NKAIN3: variants seen among roughly 807,000 people sequenced by gnomAD.
The protein encoded by NKAIN3 is sodium/potassium transporting ATPase interacting 3.
NKAIN3 carries 25 observed loss-of-function variants against 30.2 expected under a neutral mutation model. The ratio of observed to expected loss-of-function variants is 0.83; its 90% confidence interval spans 0.60 to 1.16. NKAIN3 has a LOEUF of 1.16. NKAIN3 is among the 50% of genes most tolerant of loss of function. NKAIN3 has a pLI of 0.00. For synonymous variants in NKAIN3, 91 were observed against 89.6 expected (o/e 1.02, Z -0.09); for missense variants, 225 against 254.1 (o/e 0.89, Z 0.78).
At chr8:62,785,984 G>A (rs1486935434) in intron 4 of NKAIN3, among the ~76,000 whole-genome samples, 1 of 151,928 alleles carries the variant, frequency 6.6e-6, no homozygotes, top group Non-Finnish European at 1.5e-5. Context: ...CCATGGGGCC[G>A]GTACGGAAAT....
At chr8:62,588,493 C>T (rs1250328410) in intron 2 of NKAIN3, among the ~76,000 whole-genome samples, 1 of 151,610 alleles carries the variant, frequency 6.6e-6, no homozygotes, top group Non-Finnish European at 1.5e-5. Flanking sequence ...TAGGACTATA[C>T]TACTATATGA....
chr8:62,303,690 A>T (rs1215451032), intron 1 of NKAIN3, among the ~76,000 whole-genome samples: 1 of 150,650 alleles, frequency 6.6e-6, no homozygotes, highest in African/African-American at 2.5e-5. Context: ...ATTTGAAAAA[A>T]ATCAGATAAC....
chr8:62,846,831 G>A (rs1819703268), intron 4 of NKAIN3, among the ~76,000 whole-genome samples: 1 of 152,112 alleles, frequency 6.6e-6, no homozygotes, highest in Non-Finnish European at 1.5e-5. Flanking sequence ...GTTCCACATG[G>A]CTGGGGAGGC....
At chr8:62,696,765 T>C (rs1462870579) in intron 3 of NKAIN3, among the ~76,000 whole-genome samples, 1 of 151,992 alleles carries the variant, frequency 6.6e-6, no homozygotes, top group Non-Finnish European at 1.5e-5. Flanking sequence ...GATTTGAGAG[T>C]GTGGATTAGA....
At chr8:62,444,371 A>C (rs926200482) in intron 1 of NKAIN3, among the ~76,000 whole-genome samples, 25 of 152,216 alleles carry the variant, frequency 1.6e-4, no homozygotes, top group African/African-American at 5.8e-4. Flanking sequence ...ATTTGTACCC[A>C]CTAATCAACA....
intron 3 of NKAIN3, among the ~76,000 whole-genome samples, chr8:62,728,855 T>C (rs1462709298): frequency 6.7e-6 from 1 of 149,718 alleles, no homozygotes; most frequent in Non-Finnish European, 1.5e-5. Context: ...CCAGGCGTGG[T>C]GGCGGGCGCC....
intron 3 of NKAIN3, among the ~76,000 whole-genome samples, chr8:62,737,221 G>C (rs995483693): frequency 3.9e-5 from 6 of 152,296 alleles, no homozygotes; most frequent in African/African-American, 1.4e-4. Context: ...TGTGCCTGCT[G>C]TCTGCCATTT....
chr8:62,284,267 C>A (rs573683753), intron 1 of NKAIN3, among the ~76,000 whole-genome samples: 1 of 151,944 alleles, frequency 6.6e-6, no homozygotes, highest in Non-Finnish European at 1.5e-5. Flanking sequence ...CTGGGACTTA[C>A]GGGGAGACAG....
At chr8:62,904,382 T>C (rs150724498) in intron 4 of NKAIN3, among the ~76,000 whole-genome samples, 55 of 152,372 alleles carry the variant, frequency 3.6e-4, no homozygotes, top group African/African-American at 1.1e-3. Context: ...AGTTAACCCA[T>C]AAATGAAAAG....
chr8:62,279,332 C>G (rs1813088555), intron 1 of NKAIN3, among the ~76,000 whole-genome samples: 1 of 152,182 alleles, frequency 6.6e-6, no homozygotes, highest in Non-Finnish European at 1.5e-5. Flanking sequence ...TGCCTGTTCA[C>G]TCTGATGGTA....
At position 62,307,624 on chromosome 8, in the gene NKAIN3, G is replaced by C. The variant is rs145395624; in HGVS notation, c.54+58497G>C. 2.0e-3 allele frequency among the ~76,000 whole-genome samples: 300 copies of C among 150,714 alleles called. 25 individuals carry two copies. The highest frequency in any genetic ancestry group is 7.1e-3 in the African/African-American group (283 of 40,120). On this transcript the variant is annotated intron_variant, in intron 1 of 6. Coordinates refer to ENST00000623646, the MANE Select transcript of NKAIN3 (RefSeq NM_001304533.3). ...CACATGTATGTTTTGTGCCTCTCTT[G>C]TGCACAATCACTGTTTTGGGTTTTA...
intron 3 of NKAIN3, among the ~76,000 whole-genome samples, chr8:62,604,618 TTA>T: frequency 6.6e-6 from 1 of 152,262 alleles, no homozygotes; most frequent in African/African-American, 2.4e-5. Flanking sequence ...CTCTGAGAAC[TTA>T]TTTATGGAAC....
At chr8:62,409,187 T>A (rs956692449) in intron 1 of NKAIN3, among the ~76,000 whole-genome samples, 3 of 152,188 alleles carry the variant, frequency 2.0e-5, no homozygotes, top group Non-Finnish European at 4.4e-5. Flanking sequence ...ATATTAACTT[T>A]TTTTTGTTGT....
rs1811881919 is a variant in NKAIN3 at position 62,629,273 on chromosome 8, T to G, written c.273+39479T>G. ...CCTCTACCCTTTTTTGCATGATTTTTTTATATTTCCTTATCTAATATACAC... is the reference window on the plus strand; with the variant it reads ...CCTCTACCCTTTTTTGCATGATTTTGTTATATTTCCTTATCTAATATACAC... On this transcript the variant is annotated intron_variant, in intron 3 of 6. Transcript: ENST00000623646. Among the ~76,000 whole-genome samples the G allele has an allele frequency of 1.3e-5, 2 of 152,156 alleles. 1 individual carries two copies. Among genetic ancestry groups the G allele is most frequent in the Admixed American group, 1.3e-4 (2 of 15,264 alleles).
chr8:62,260,633 A>G (rs1307034117), intron 1 of NKAIN3, among the ~76,000 whole-genome samples: 2 of 152,110 alleles, frequency 1.3e-5, no homozygotes, highest in African/African-American at 2.4e-5. Context: ...TTTGCTTTAT[A>G]TCTGGATGGT....
chr8:62,406,493 T>C (rs956115237), intron 1 of NKAIN3, among the ~76,000 whole-genome samples: 10 of 152,186 alleles, frequency 6.6e-5, no homozygotes, highest in African/African-American at 2.4e-4. Flanking sequence ...GTAAGATACT[T>C]TAGTCACTTT....
chr8:62,662,108 A>G (rs568397445), intron 3 of NKAIN3, among the ~76,000 whole-genome samples: 69 of 152,186 alleles, frequency 4.5e-4, no homozygotes, highest in Non-Finnish European at 9.0e-4. Context: ...GCTTTTTATA[A>G]TTGTCCCTTT....
rs1807113613 is a variant in NKAIN3 at position 62,492,801 on chromosome 8, T to G, written c.55-86738T>G. Reference sequence around the variant, plus strand: ...TCAGTAATGAGATTGCTCGGTCCAGTGGTAGTTCTGTTTTCAGCTCTTTGA... The same window carrying G: ...TCAGTAATGAGATTGCTCGGTCCAGGGGTAGTTCTGTTTTCAGCTCTTTGA... On this transcript the variant is annotated intron_variant, in intron 1 of 6. Coordinates refer to ENST00000623646, the MANE Select transcript of NKAIN3 (RefSeq NM_001304533.3). Among the ~76,000 whole-genome samples the G allele has an allele frequency of 2.0e-5, 3 of 152,128 alleles. No individual in the cohort carries two copies. In the South Asian group the frequency reaches 6.2e-4, roughly 32 times the overall value.
intron 3 of NKAIN3, among the ~76,000 whole-genome samples, chr8:62,695,393 G>A (rs10096226): frequency 0.019 from 2,883 of 152,262 alleles, 85 homozygotes; most frequent in African/African-American, 0.064. Context: ...AGAAAGCCAC[G>A]TGCATGGGAT....
Sources: allele counts gnomAD v4.1 joint callset (sites outside exome capture counted in the v4.1 genomes callset), GRCh38; gene constraint gnomAD v4.1.1; transcripts MANE v1.5; gene names NCBI Gene and HGNC (gene_info 2026-07-23, HGNC 2026-07-21).